Variants in SERPINE2 observed in about 807,000 individuals in gnomAD.
SERPINE2 encodes glia-derived nexin.
In SERPINE2, 14 loss-of-function variants were observed where a neutral mutation model predicts 36.3. The observed-to-expected ratio is 0.39, with a 90% CI of 0.25 to 0.60. The LOEUF is 0.60. SERPINE2 is among the 20% of genes least tolerant of loss of function. The probability of loss-of-function intolerance (pLI) is 0.57; values close to 1 mark genes in which losing one functional copy is unlikely to be tolerated. For synonymous variants in SERPINE2, 192 were observed against 191.8 expected (o/e 1.00, Z -0.01); for missense variants, 418 against 499.6 (o/e 0.84, Z 1.56).
At chr2:224,018,958 T>A (rs1051778552) in intron 1 of SERPINE2, among the ~76,000 whole-genome samples, 4 of 152,190 alleles carry the variant, frequency 2.6e-5, no homozygotes, top group African/African-American at 7.2e-5. Flanking sequence ...GACTCTAAAA[T>A]CTGAGTCAAT....
At chr2:223,999,522 G>A (rs1374464533) in intron 2 of SERPINE2, among the ~76,000 whole-genome samples, 1 of 152,190 alleles carries the variant, frequency 6.6e-6, no homozygotes, top group African/African-American at 2.4e-5. Flanking sequence ...ACAGGGGCGT[G>A]TGTAGGGCTT....
At chr2:223,998,010 C>T (rs926389466) in intron 3 of SERPINE2, 105 bp downstream of exon 3, 10 of 868,616 alleles carry the variant, frequency 1.2e-5, no homozygotes, top group Admixed American at 5.9e-5. Context: ...TTTCTCAACC[C>T]ACAGGCCATT....
chr2:223,996,261 CCA>C (rs1350501201), intron 3 of SERPINE2, among the ~76,000 whole-genome samples: 3 of 152,154 alleles, frequency 2.0e-5, no homozygotes, highest in East Asian at 1.9e-4. Context: ...CAGCCTCCAG[CCA>C]CAGAGTCAGG....
chr2:224,022,334 GA>G (rs11283961), intron 1 of SERPINE2, among the ~76,000 whole-genome samples: 99,136 of 123,480 alleles, frequency 0.8, 39,570 homozygotes, highest in Non-Finnish European at 0.86. Context: ...CCTGTCTCAA[GA>G]AAAAAAAAAA....
chr2:224,026,295 T>C (rs1171312322), intron 1 of SERPINE2, among the ~76,000 whole-genome samples: 3 of 152,260 alleles, frequency 2.0e-5, no homozygotes, highest in Admixed American at 2.0e-4. Flanking sequence ...TTGGGTTTAT[T>C]TGTTACAACA....
intron 1 of SERPINE2, among the ~76,000 whole-genome samples, chr2:224,016,867 T>C (rs1456525712): frequency 6.6e-6 from 1 of 152,218 alleles, no homozygotes; most frequent in Admixed American, 6.5e-5. Flanking sequence ...GAAAAGCCTA[T>C]TTCAAAAAGA....
chr2:224,018,386 G>A (rs1011694209), intron 1 of SERPINE2, among the ~76,000 whole-genome samples: 1 of 152,130 alleles, frequency 6.6e-6, no homozygotes, highest in Non-Finnish European at 1.5e-5. Flanking sequence ...TAGAAGTCTA[G>A]AGTTTAGGCC....
chr2:224,017,755 T>C lies in SERPINE2; in HGVS notation c.-22-15833A>G, dbSNP rs1181313048. ...GTTATAAGGATTTTAAAAAGTACTA[T>C]GTCTCAGGTTCTTAGGACAGTTCTT... On this transcript the variant is annotated intron_variant, in intron 1 of 8. Coordinates refer to ENST00000409304, the MANE Select transcript of SERPINE2 (RefSeq NM_001136528.2). Among the ~76,000 whole-genome samples, 4 of 152,306 alleles carry C rather than the reference T, an allele frequency of 2.6e-5. No individual in the cohort carries two copies. In the South Asian group the frequency reaches 8.3e-4, roughly 32 times the overall value.
intron 8 of SERPINE2, among the ~76,000 whole-genome samples, chr2:223,976,847 T>C (rs1690032409): frequency 6.6e-6 from 1 of 152,224 alleles, no homozygotes; most frequent in Non-Finnish European, 1.5e-5. Context: ...ATGGTTTGGC[T>C]CTGTGTCTCC....
At chr2:224,019,280 C>G (rs1219397904) in intron 1 of SERPINE2, among the ~76,000 whole-genome samples, 4 of 152,002 alleles carry the variant, frequency 2.6e-5, no homozygotes, top group Non-Finnish European at 5.9e-5. Context: ...ATATATTATA[C>G]ATATGGATAA....
intron 1 of SERPINE2, chr2:224,030,333 G>C: frequency 1.8e-6 from 1 of 557,952 alleles, no homozygotes; most frequent in Non-Finnish European, 2.3e-6. Flanking sequence ...TCAGGCCAAA[G>C]ACACGAGGAA....
chr2:224,015,290 G>C (rs1043016961), intron 1 of SERPINE2, among the ~76,000 whole-genome samples: 1 of 152,172 alleles, frequency 6.6e-6, no homozygotes, highest in African/African-American at 2.4e-5. Context: ...TGACATCGAG[G>C]AGAGTGTGTA....
At chr2:224,026,612 T>C (rs755447407) in intron 1 of SERPINE2, among the ~76,000 whole-genome samples, 4 of 152,164 alleles carry the variant, frequency 2.6e-5, no homozygotes, top group Non-Finnish European at 5.9e-5. Flanking sequence ...AAGAACAATT[T>C]TGAGGAAATT....
chr2:223,975,950 T>C, intron 8 of SERPINE2, 46 bp from the exon 9 acceptor site: 3 of 1,523,940 alleles, frequency 2.0e-6, no homozygotes, highest in Non-Finnish European at 2.7e-6. Context: ...AAATTAATAA[T>C]CCTTAAAATA....
intron 1 of SERPINE2, among the ~76,000 whole-genome samples, chr2:224,028,394 T>A (rs1445242093): frequency 1.3e-5 from 2 of 152,210 alleles, no homozygotes; most frequent in Non-Finnish European, 2.9e-5. Flanking sequence ...CACTACTAAG[T>A]GTGGACCTGG....
At chr2:224,025,497 C>A (rs1352333730) in intron 1 of SERPINE2, among the ~76,000 whole-genome samples, 1 of 152,196 alleles carries the variant, frequency 6.6e-6, no homozygotes, top group Non-Finnish European at 1.5e-5. Flanking sequence ...AAATCCCTAC[C>A]CCCTACAAAT....
intron 1 of SERPINE2, among the ~76,000 whole-genome samples, chr2:224,029,500 G>A (rs1692288911): frequency 6.6e-6 from 1 of 152,156 alleles, no homozygotes; most frequent in African/African-American, 2.4e-5. Flanking sequence ...ATAATTAAAT[G>A]ACCATCACCA....
At chr2:223,979,430 T>TTTA (rs1690139131) in intron 7 of SERPINE2, 1 of 152,240 alleles carries the variant, frequency 6.6e-6, no homozygotes, top group South Asian at 2.1e-4. Context: ...TTTTAAAACG[T>TTTA]TTATTCGAGA....
intron 1 of SERPINE2, among the ~76,000 whole-genome samples, chr2:224,016,378 T>C (rs141830442): frequency 0.013 from 1,931 of 152,116 alleles, 12 homozygotes; most frequent in Admixed American, 0.035. Context: ...TCGCGGCAGG[T>C]GCCTATAATC....
Sources: gnomAD v4.1 joint callset for allele counts (sites outside exome capture counted in the v4.1 genomes callset) on GRCh38, gnomAD v4.1.1 for gene constraint, MANE v1.5 for transcripts, NCBI Gene and HGNC (gene_info 2026-07-23, HGNC 2026-07-21) for gene names.